OSTF1: variants seen among roughly 807,000 people sequenced by gnomAD.
OSTF1 encodes the protein osteoclast-stimulating factor 1.
In OSTF1, 27 loss-of-function variants were observed where a neutral mutation model predicts 37.2. That is an observed-to-expected ratio of 0.73 (90% CI 0.54 to 1.00). The LOEUF (loss-of-function observed/expected upper bound fraction) is 1.00. OSTF1 is among the 50% of genes least tolerant of loss of function. OSTF1 has a pLI of 0.00. For synonymous variants in OSTF1, 82 were observed against 89.2 expected, an observed-to-expected ratio of 0.92 and a Z score of 0.46; for missense variants, 232 against 253.8, an observed-to-expected ratio of 0.91 and a Z score of 0.58.
At chr9:75,102,496 C>T (rs887813926) in intron 1 of OSTF1, among the ~76,000 whole-genome samples, 6 of 152,158 alleles carry the variant, frequency 3.9e-5, no homozygotes, top group East Asian at 1.9e-4. Context: ...TTTTATAAGA[C>T]CTTTTTTACG....
intron 1 of OSTF1, among the ~76,000 whole-genome samples, chr9:75,113,820 C>G (rs1825434532): frequency 6.6e-6 from 1 of 152,180 alleles, no homozygotes; most frequent in Non-Finnish European, 1.5e-5. Context: ...CAAATCTACT[C>G]TCAGCATTTT....
chr9:75,123,888 G>A (rs189513344), intron 2 of OSTF1, among the ~76,000 whole-genome samples: 4 of 152,274 alleles, frequency 2.6e-5, no homozygotes, highest in African/African-American at 9.6e-5. Flanking sequence ...AAACAAGTCT[G>A]ACCTAATGGG....
At chr9:75,090,002 A>T (rs1824931801) in intron 1 of OSTF1, among the ~76,000 whole-genome samples, 1 of 152,194 alleles carries the variant, frequency 6.6e-6, no homozygotes, top group Non-Finnish European at 1.5e-5. Context: ...GCCCTGGGCA[A>T]AGATGGGGCA....
At chr9:75,113,796 T>C (rs527712255) in intron 1 of OSTF1, among the ~76,000 whole-genome samples, 21 of 152,366 alleles carry the variant, frequency 1.4e-4, no homozygotes, top group African/African-American at 5.0e-4. Flanking sequence ...TATATTTTTG[T>C]GGTGAGAACA....
chr9:75,117,989 T>C (rs558159068), intron 2 of OSTF1, among the ~76,000 whole-genome samples: 1 of 152,364 alleles, frequency 6.6e-6, no homozygotes, highest in East Asian at 1.9e-4. Context: ...GTTTCCGGTA[T>C]CCGTCCATTT....
intron 1 of OSTF1, among the ~76,000 whole-genome samples, chr9:75,102,649 G>A (rs571675154): frequency 9.9e-5 from 15 of 152,114 alleles, no homozygotes; most frequent in Non-Finnish European, 1.9e-4. Context: ...TTGATTGACT[G>A]GACATTCTTA....
At position 75,134,379 on chromosome 9, in the gene OSTF1, T is replaced by G. The variant is rs777746961; in HGVS notation, c.392T>G (p.Ile131Ser). ...GAAATGCTATTTACTCAACCAAATA[T>G]TGAACTGAACCAGCAGGTAAGACTG... ...IVEMLFTQPN[I>S]ELNQQNKLGD... is the part of the protein sequence containing the mutation. Residue 131 changes from isoleucine (I) to serine (S), a missense_variant, in exon 7 of 10, where the codon ATT becomes AGT. Physicochemically the swap from Ile to Ser is moderately radical, Grantham distance 142. Coordinates refer to ENST00000346234, the MANE Select transcript of OSTF1 (RefSeq NM_012383.5). The G allele has an allele frequency of 6.4e-7, 1 of 1,569,396 alleles. No individual in the cohort carries two copies. Among genetic ancestry groups the G allele is most frequent in the South Asian group, 1.1e-5 (1 of 88,210 alleles).
chr9:75,096,428 AT>A (rs1381737043), intron 1 of OSTF1, among the ~76,000 whole-genome samples: 2 of 152,132 alleles, frequency 1.3e-5, no homozygotes, highest in Non-Finnish European at 2.9e-5. Flanking sequence ...TCTAATGTGG[AT>A]CTTTTCTGCT....
chr9:75,102,751 A>T (rs1055508903), intron 1 of OSTF1, among the ~76,000 whole-genome samples: 2 of 152,142 alleles, frequency 1.3e-5, no homozygotes, highest in Non-Finnish European at 2.9e-5. Context: ...TTTGTTTTTT[A>T]AAATTTTTTC....
intron 2 of OSTF1, among the ~76,000 whole-genome samples, chr9:75,123,927 G>A (rs1044563910): frequency 1.8e-4 from 27 of 152,252 alleles, no homozygotes; most frequent in Middle Eastern, 3.4e-3. Flanking sequence ...ACTATTGAAC[G>A]GCAGCCATTA....
intron 1 of OSTF1, among the ~76,000 whole-genome samples, chr9:75,104,095 C>A (rs1283279796): frequency 6.6e-6 from 1 of 152,018 alleles, no homozygotes; most frequent in African/African-American, 2.4e-5. Context: ...AAAAGTAGCC[C>A]AGCCCCAGTG....
At chr9:75,112,121 CTTTTTT>C (rs35036131) in intron 1 of OSTF1, among the ~76,000 whole-genome samples, 26 of 143,160 alleles carry the variant, frequency 1.8e-4, no homozygotes, top group African/African-American at 6.7e-4. Context: ...CAGCCTACTG[CTTTTTT>C]TTTTTTTTTA....
chr9:75,110,236 G>C (rs564992694), intron 1 of OSTF1, among the ~76,000 whole-genome samples: 1 of 152,170 alleles, frequency 6.6e-6, no homozygotes, highest in Admixed American at 6.5e-5. Context: ...AACATCCACT[G>C]TACACTGCCT....
At chr9:75,096,294 G>T (rs1825085439) in intron 1 of OSTF1, among the ~76,000 whole-genome samples, 1 of 152,218 alleles carries the variant, frequency 6.6e-6, no homozygotes. Flanking sequence ...TTACATTTGG[G>T]ATTAGAGTTG....
chr9:75,146,807 C>A lies in OSTF1; in HGVS notation c.*66C>A. On this transcript the variant is annotated 3_prime_UTR_variant, in exon 10 of 10. Transcript: ENST00000346234. Reference sequence around the variant, plus strand: ...TTGCCATTCCAAAACTTTGTCTTTGCCAGAAAAGTGTTGGTAACTATAAAG... The same window carrying A: ...TTGCCATTCCAAAACTTTGTCTTTGACAGAAAAGTGTTGGTAACTATAAAG... 1.7e-6 allele frequency: 2 copies of A among 1,196,710 alleles called. No homozygotes were observed. The highest frequency in any genetic ancestry group is 2.4e-6 in the Non-Finnish European group (2 of 819,754). 74.1% of individuals were successfully genotyped at this position (1,196,710 alleles called of 1,614,324 possible). A position where few individuals can be genotyped will look rare whatever the true frequency, so the allele number is the denominator to read the frequency against.
intron 1 of OSTF1, among the ~76,000 whole-genome samples, chr9:75,092,514 T>G (rs1052708655): frequency 1.9e-4 from 29 of 152,216 alleles, no homozygotes; most frequent in African/African-American, 5.5e-4. Context: ...TATTTACAAG[T>G]GGATGGCTGA....
intron 1 of OSTF1, among the ~76,000 whole-genome samples, chr9:75,114,334 G>A (rs572102455): frequency 1.6e-4 from 24 of 152,198 alleles, no homozygotes; most frequent in African/African-American, 5.5e-4. Context: ...TGGACATTAA[G>A]TCAATCCATT....
At chr9:75,112,460 T>C (rs1400904894) in intron 1 of OSTF1, among the ~76,000 whole-genome samples, 1 of 152,152 alleles carries the variant, frequency 6.6e-6, no homozygotes, top group Non-Finnish European at 1.5e-5. Context: ...TTTTATAATG[T>C]ATGGATGAAA....
intron 1 of OSTF1, among the ~76,000 whole-genome samples, chr9:75,091,437 A>G (rs560548110): frequency 1.3e-5 from 2 of 152,218 alleles, no homozygotes; most frequent in East Asian, 3.9e-4. Context: ...TCAAATGTGT[A>G]TTTTAGAGCT....
Sources: allele counts gnomAD v4.1 joint callset (sites outside exome capture counted in the v4.1 genomes callset), GRCh38; gene constraint gnomAD v4.1.1; transcripts MANE v1.5; gene names NCBI Gene and HGNC (gene_info 2026-07-23, HGNC 2026-07-21).